Variants in LRP1B observed in about 807,000 individuals in gnomAD.
The protein encoded by LRP1B is low-density lipoprotein receptor-related protein 1B.
Under a neutral mutation model 556.6 loss-of-function variants are expected in LRP1B, and 217 were observed. The ratio of observed to expected loss-of-function variants is 0.39; its 90% CI spans 0.35 to 0.44. LRP1B has a LOEUF of 0.44. LRP1B is among the 20% of genes least tolerant of loss of function. The probability of loss-of-function intolerance (pLI) is 1.00; values close to 1 mark genes in which losing one functional copy is unlikely to be tolerated. For synonymous variants in LRP1B, 2,047 were observed against 1,865.8 expected (o/e 1.10, Z -2.50); for missense variants, 5,053 against 5,620.8 (o/e 0.90, Z 3.23).
At chr2:141,283,476 ATGT>A (rs1270533183) in intron 3 of LRP1B, among the ~76,000 whole-genome samples, 1 of 152,076 alleles carries the variant, frequency 6.6e-6, no homozygotes, top group East Asian at 1.9e-4. Flanking sequence ...CTCATAAACT[ATGT>A]TAAGGAGTTT....
chr2:141,159,317 A>G (rs1005341948), intron 7 of LRP1B, among the ~76,000 whole-genome samples: 1 of 152,230 alleles, frequency 6.6e-6, no homozygotes, highest in African/African-American at 2.4e-5. Context: ...AAATAATTTA[A>G]TTAGGGCAGT....
At chr2:140,533,902 T>A (rs1316613580) in intron 47 of LRP1B, 119 bp downstream of exon 47, 1 of 1,015,080 alleles carries the variant, frequency 9.9e-7, no homozygotes, top group Non-Finnish European at 1.4e-6. Context: ...TTTACCAAAG[T>A]GTGATCCATA....
At chr2:140,798,215 G>C (rs1690384423) in intron 32 of LRP1B, among the ~76,000 whole-genome samples, 1 of 152,048 alleles carries the variant, frequency 6.6e-6, no homozygotes, top group South Asian at 2.1e-4. Context: ...AGTAGTGACT[G>C]GCTCATGATA....
chr2:142,098,126 T>C (rs1219159731), intron 1 of LRP1B, among the ~76,000 whole-genome samples: 3 of 151,734 alleles, frequency 2.0e-5, no homozygotes, highest in South Asian at 2.1e-4. Flanking sequence ...TTTCAGCCCA[T>C]ATTCCTCTAC....
intron 2 of LRP1B, among the ~76,000 whole-genome samples, chr2:141,758,394 T>C (rs1694399931): frequency 6.6e-6 from 1 of 152,196 alleles, no homozygotes; most frequent in South Asian, 2.1e-4. Flanking sequence ...ATGTATTTTT[T>C]ATTTAACTAA....
chr2:141,801,433 G>T (rs1302588868), intron 2 of LRP1B, among the ~76,000 whole-genome samples: 1 of 152,012 alleles, frequency 6.6e-6, no homozygotes, highest in Non-Finnish European at 1.5e-5. Flanking sequence ...GGATTACAGG[G>T]TTGAACCACT....
intron 1 of LRP1B, among the ~76,000 whole-genome samples, chr2:141,970,615 G>C (rs914505810): frequency 6.6e-6 from 1 of 151,434 alleles, no homozygotes; most frequent in African/African-American, 2.4e-5. Flanking sequence ...GTAACTGTAA[G>C]TATATGCCAT....
chr2:140,675,976 AT>A (rs1685659077), intron 41 of LRP1B, among the ~76,000 whole-genome samples: 1 of 152,036 alleles, frequency 6.6e-6, no homozygotes. Context: ...AAGAAAAAAA[AT>A]ACAGAGAAGC....
intron 87 of LRP1B, among the ~76,000 whole-genome samples, chr2:140,245,011 T>C (rs1013696883): frequency 1.3e-5 from 2 of 151,352 alleles, no homozygotes; most frequent in East Asian, 1.9e-4. Flanking sequence ...GAGGCAAGTT[T>C]CTCGAAGCAT....
chr2:141,902,819 T>C (rs543487396), intron 1 of LRP1B, among the ~76,000 whole-genome samples: 2 of 152,102 alleles, frequency 1.3e-5, no homozygotes, highest in African/African-American at 4.8e-5. Flanking sequence ...ACTTACATTA[T>C]TAAAACTCTG....
At chr2:140,238,642 G>A (rs2104882919) in intron 88 of LRP1B, among the ~76,000 whole-genome samples, 1 of 150,892 alleles carries the variant, frequency 6.6e-6, no homozygotes, top group South Asian at 2.1e-4. Context: ...CAAGTTACAT[G>A]GTTAGAATCC....
intron 11 of LRP1B, among the ~76,000 whole-genome samples, chr2:141,041,541 T>C (rs1698697280): frequency 1.3e-5 from 2 of 152,012 alleles, no homozygotes; most frequent in African/African-American, 2.4e-5. Context: ...GCCTCCCCCT[T>C]ATAAATTTCC....
intron 3 of LRP1B, among the ~76,000 whole-genome samples, chr2:141,263,874 A>G (rs1386771629): frequency 6.6e-6 from 1 of 152,130 alleles, no homozygotes; most frequent in Non-Finnish European, 1.5e-5. Flanking sequence ...ACAGTAAGGG[A>G]AAAAAACCCT....
chr2:141,005,277 C>T (rs1233082778), intron 15 of LRP1B, 58 bp downstream of exon 15: 3 of 1,574,398 alleles, frequency 1.9e-6, no homozygotes, highest in African/African-American at 2.7e-5. Context: ...GTTTCTTCTG[C>T]TTCTAGTCTT....
chr2:141,817,900 G>A (rs1268621289), intron 1 of LRP1B, among the ~76,000 whole-genome samples: 2 of 151,174 alleles, frequency 1.3e-5, no homozygotes, highest in Non-Finnish European at 2.9e-5. Context: ...ATGTAAAGGA[G>A]GGATAGCTTG....
chr2:140,597,224 A>G (rs1574123874), intron 43 of LRP1B, among the ~76,000 whole-genome samples: 1 of 152,166 alleles, frequency 6.6e-6, no homozygotes, highest in Non-Finnish European at 1.5e-5. Flanking sequence ...GAAAATGATG[A>G]GTTGCAATTA....
At position 141,058,782 on chromosome 2, in the gene LRP1B, G is replaced by C. The variant is rs150743303; in HGVS notation, c.1408+101C>G. 5.8e-5 allele frequency: 53 copies of C among 919,676 alleles called. No homozygotes were observed. The East Asian group carries it at 1.6e-3, about 28-fold the overall frequency. The allele number at this position is 919,676 out of a possible 1,614,324, so 57.0% of individuals were successfully genotyped here. On this transcript the variant is annotated intron_variant, in intron 9 of 90. Coordinates refer to ENST00000389484, the MANE Select transcript of LRP1B (RefSeq NM_018557.3). ...TGCCTACTTTTGCTGTCAAAGCAGA[G>C]AATTTATGACTCACTCACTTCAACA...
At chr2:141,254,803 T>A (rs1684398334) in intron 3 of LRP1B, among the ~76,000 whole-genome samples, 162 bp from the exon 4 acceptor site, 1 of 152,152 alleles carries the variant, frequency 6.6e-6, no homozygotes, top group Admixed American at 6.6e-5. Flanking sequence ...TTAGTTTACA[T>A]TTGCTTGAAT....
intron 3 of LRP1B, among the ~76,000 whole-genome samples, chr2:141,356,543 A>G (rs185951998): frequency 1.0e-3 from 154 of 152,140 alleles, no homozygotes; most frequent in African/African-American, 2.9e-3. Context: ...ATGATCTCCA[A>G]GTATGATTCT....
Sources: allele counts gnomAD v4.1 joint callset (sites outside exome capture counted in the v4.1 genomes callset), GRCh38; gene constraint gnomAD v4.1.1; transcripts MANE v1.5; gene names NCBI Gene and HGNC (gene_info 2026-07-23, HGNC 2026-07-21).